PRKN: variants seen among roughly 807,000 people sequenced by gnomAD.
PRKN encodes E3 ubiquitin-protein ligase parkin.
In PRKN, 56 loss-of-function variants were observed where a neutral mutation model predicts 59.5. That is an observed-to-expected ratio of 0.94 (90% CI 0.76 to 1.18). The LOEUF is 1.18. Ranked by LOEUF, PRKN falls within the 50% of genes most tolerant of loss-of-function variation. The pLI, the probability that PRKN is intolerant of heterozygous loss-of-function variation, is 0.00. For missense variants in PRKN, 657 were observed against 596.4 expected, an observed-to-expected ratio of 1.10 and a Z score of -1.06; for synonymous variants, 250 against 222.1, an observed-to-expected ratio of 1.13 and a Z score of -1.12.
chr6:161,437,490 G>A (rs549566298), intron 9 of PRKN, among the ~76,000 whole-genome samples: 6 of 152,122 alleles, frequency 3.9e-5, no homozygotes, highest in Non-Finnish European at 8.8e-5. Context: ...TGCAGGAATC[G>A]AAACCATGGA....
At position 161,459,380 on chromosome 6, in the gene PRKN, T is replaced by C. The variant is rs1269423807; in HGVS notation, c.1084-72503A>G. Among the ~76,000 whole-genome samples the C allele has an allele frequency of 1.3e-5, 2 of 152,182 alleles. No individual in the cohort carries two copies. Among genetic ancestry groups the C allele is most frequent in the Non-Finnish European group, 1.5e-5 (1 of 68,026 alleles). On this transcript the variant is annotated intron_variant, in intron 9 of 11. Transcript: ENST00000366898. The surrounding 1 kb of genome is among the most constrained non-coding windows in gnomAD (Gnocchi z 4.8). Reference sequence around the variant, plus strand: ...GGTGTGAATTAAGTAATTCATTTGGTTTTAGTTTACTTTTGAGAAAGTCCA... The same window carrying C: ...GGTGTGAATTAAGTAATTCATTTGGCTTTAGTTTACTTTTGAGAAAGTCCA...
chr6:161,425,997 A>G (rs189037224), intron 9 of PRKN, among the ~76,000 whole-genome samples: 52 of 152,164 alleles, frequency 3.4e-4, no homozygotes, highest in Non-Finnish European at 6.5e-4. Flanking sequence ...GTGACAGTGG[A>G]GTGTTCCCAC....
intron 1 of PRKN, among the ~76,000 whole-genome samples, chr6:162,600,097 T>G (rs984578391): frequency 6.6e-6 from 1 of 152,202 alleles, no homozygotes; most frequent in African/African-American, 2.4e-5. Context: ...TCAAGATGAA[T>G]GCTTTCATCA....
At position 161,561,202 on chromosome 6, in the gene PRKN, A is replaced by G. The variant is rs144696217; in HGVS notation, c.933+8153T>C. ...TAGGAGATAGAAGTTTTCACATAGC[A>G]AGGGTAAGAAATATTTTTATAAATG... On this transcript the variant is annotated intron_variant, in intron 8 of 11. Coordinates refer to ENST00000366898, the MANE Select transcript of PRKN (RefSeq NM_004562.3). This position sits in a 1 kb window ranked among gnomAD's most constrained non-coding sequence, Gnocchi z 5.0. Among the ~76,000 whole-genome samples, 113 of 152,370 alleles carry G rather than the reference A, an allele frequency of 7.4e-4. No individual in the cohort carries two copies. Among genetic ancestry groups the G allele is most frequent in the African/African-American group, 2.3e-3 (97 of 41,588 alleles).
intron 1 of PRKN, among the ~76,000 whole-genome samples, chr6:162,576,810 C>CAAAAAAA (rs573857313): frequency 3.2e-5 from 3 of 92,384 alleles, no homozygotes; most frequent in African/African-American, 1.3e-4. Flanking sequence ...GAGACTCCGT[C>CAAAAAAA]AAAAAAAAAA....
At chr6:162,359,079 A>AAAAAAAATATATATATATATATAT (rs57265104) in intron 2 of PRKN, among the ~76,000 whole-genome samples, 4 of 83,248 alleles carry the variant, frequency 4.8e-5, no homozygotes, top group African/African-American at 2.9e-4. Flanking sequence ...AAAAAAAAAA[A>AAAAAAAATATATATATATATATAT]ATATATATAT....
At chr6:161,692,362 C>T (rs1246203055) in intron 7 of PRKN, among the ~76,000 whole-genome samples, 1 of 152,130 alleles carries the variant, frequency 6.6e-6, no homozygotes, top group Non-Finnish European at 1.5e-5. Context: ...AGTATAATTC[C>T]CATTCTAATG....
rs951704707 is a variant in PRKN, at chr6:161,361,732, G to A, written c.1168-1527C>T. 1.2e-4 allele frequency among the ~76,000 whole-genome samples: 19 copies of A among 152,192 alleles called. No homozygotes were observed. Among genetic ancestry groups the A allele is most frequent in the African/African-American group, 4.3e-4 (18 of 41,450 alleles). ...CCCTTGAGAACTGCCAGGGTGTCAC[G>A]TGATTTGTGAATACTTTGCTAGAAT... On this transcript the variant is annotated intron_variant, in intron 10 of 11. Transcript: ENST00000366898. The surrounding 1 kb of genome is among the most constrained non-coding windows in gnomAD (Gnocchi z 5.2).
At position 161,473,658 on chromosome 6, in the gene PRKN, A is replaced by T. The variant is rs1245638347; in HGVS notation, c.1083+75196T>A. Among the ~76,000 whole-genome samples the T allele has an allele frequency of 2.7e-5, 4 of 147,906 alleles. No homozygotes were observed. In the South Asian group the frequency reaches 8.3e-4, roughly 31 times the overall value. ...AGGACAAATATTCTAGAAATGTACT[A>T]GAGGACTATAATTATAATATTGTAT... is the stretch of plus-strand genomic sequence containing the variant. On this transcript the variant is annotated intron_variant, in intron 9 of 11. Coordinates refer to ENST00000366898, the MANE Select transcript of PRKN (RefSeq NM_004562.3). The surrounding 1 kb of genome is among the most constrained non-coding windows in gnomAD (Gnocchi z 4.1).
In PRKN at chr6:161,461,078, G is replaced by A. The variant is rs1259381976; in HGVS notation, c.1084-74201C>T. Among the ~76,000 whole-genome samples, 1 of 152,052 alleles carries A rather than the reference G, an allele frequency of 6.6e-6. No individual in the cohort carries two copies. Among genetic ancestry groups the A allele is most frequent in the Non-Finnish European group, 1.5e-5 (1 of 68,006 alleles). ...GGTCCAAGAGTCATCTTTATCATAAGTACTTACTGTCTATTAACCCCATAA... is the reference window on the plus strand; with the variant it reads ...GGTCCAAGAGTCATCTTTATCATAAATACTTACTGTCTATTAACCCCATAA... On this transcript the variant is annotated intron_variant, in intron 9 of 11. Coordinates refer to ENST00000366898, the MANE Select transcript of PRKN (RefSeq NM_004562.3). This position sits in a 1 kb window ranked among gnomAD's most constrained non-coding sequence, Gnocchi z 5.1.
chr6:162,584,773 TTCCTC>T (rs370549659), intron 1 of PRKN, among the ~76,000 whole-genome samples: 8 of 105,016 alleles, frequency 7.6e-5, no homozygotes, highest in Non-Finnish European at 1.4e-4. Flanking sequence ...CTCTTTTCTT[TTCCTC>T]TCCTCTCCTC....
intron 7 of PRKN, among the ~76,000 whole-genome samples, chr6:161,614,381 TCAA>T (rs1249278759): frequency 6.6e-6 from 1 of 152,184 alleles, no homozygotes; most frequent in Non-Finnish European, 1.5e-5. Flanking sequence ...ATTAAGCAAC[TCAA>T]CAACAACAAA....
intron 3 of PRKN, among the ~76,000 whole-genome samples, chr6:162,216,240 C>G (rs1777644147): frequency 6.6e-6 from 1 of 151,636 alleles, no homozygotes; most frequent in Non-Finnish European, 1.5e-5. Context: ...TTTTAAAAAC[C>G]CAGTTTGCGG....
chr6:162,639,856 G>C (rs1777893483), intron 1 of PRKN, among the ~76,000 whole-genome samples: 2 of 152,142 alleles, frequency 1.3e-5, no homozygotes, highest in Admixed American at 6.6e-5. Flanking sequence ...AGTTTGATCT[G>C]AAAATCTAGA....
At chr6:162,671,616 C>A (rs1029461112) in intron 1 of PRKN, among the ~76,000 whole-genome samples, 3 of 151,556 alleles carry the variant, frequency 2.0e-5, no homozygotes. Flanking sequence ...GTGCAGTAAT[C>A]AAAAATTCCG....
intron 1 of PRKN, among the ~76,000 whole-genome samples, chr6:162,600,007 T>A (rs541615662): frequency 6.6e-5 from 10 of 152,350 alleles, no homozygotes; most frequent in Admixed American, 5.9e-4. Context: ...TTCATTTATG[T>A]ACAGCAAAAT....
rs545849592 is a variant in PRKN at position 162,211,060 on chromosome 6, C to T, written c.413-9808G>A. On this transcript the variant is annotated intron_variant, in intron 3 of 11. Transcript: ENST00000366898. ...AGCACTCGGGGTCATCAGAGATTTA[C>T]AGGTAAGCCTTCCTCATTAGAAAGC... Among the ~76,000 whole-genome samples the T allele has an allele frequency of 3.9e-5, 6 of 152,296 alleles. No homozygotes were observed. In the South Asian group the frequency reaches 8.3e-4, roughly 21 times the overall value.
rs904614610 is a variant in PRKN, at chr6:161,901,795, T to C, written c.734+71507A>G. Among the ~76,000 whole-genome samples, 16 of 152,094 alleles carry C rather than the reference T, an allele frequency of 1.1e-4. 4 individuals carry two copies. The highest frequency in any genetic ancestry group is 9.8e-4 in the Admixed American group (15 of 15,266). The stretch of plus-strand genomic sequence containing the variant: ...ATTTATGCATTTGAACAGAGAGAGG[T>C]ATGATGGCAAAAGGACGGTGATTTT... On this transcript the variant is annotated intron_variant, in intron 6 of 11. Transcript: ENST00000366898.
chr6:162,337,113 C>G (rs973024066), intron 2 of PRKN, among the ~76,000 whole-genome samples: 5 of 152,160 alleles, frequency 3.3e-5, no homozygotes, highest in Admixed American at 2.0e-4. Flanking sequence ...AAACTCTCAT[C>G]TCTAAAAAGG....
Sources: gnomAD v4.1 joint callset for allele counts (sites outside exome capture counted in the v4.1 genomes callset) on GRCh38, gnomAD v4.1.1 for gene constraint, Gnocchi (gnomAD v3.1) non-coding constraint, MANE v1.5 for transcripts, NCBI Gene and HGNC (gene_info 2026-07-23, HGNC 2026-07-21) for gene names.